The following STAU1 variants were observed in gnomAD, a reference collection of about 807,000 sequenced individuals.
STAU1 encodes double-stranded RNA-binding protein Staufen homolog 1.
In STAU1, 13 loss-of-function variants were observed where a neutral mutation model predicts 62.9. The observed-to-expected ratio is 0.21, with a 90% CI of 0.13 to 0.33. The LOEUF (loss-of-function observed/expected upper bound fraction) is 0.33. Ranked by LOEUF, STAU1 falls within the 10% of genes least tolerant of loss-of-function variation. The probability of loss-of-function intolerance (pLI) is 1.00; values close to 1 mark genes in which losing one functional copy is unlikely to be tolerated. For synonymous variants in STAU1, 269 were observed against 265.1 expected, an observed-to-expected ratio of 1.01 and a Z score of -0.14; for missense variants, 571 against 712.1, an observed-to-expected ratio of 0.80 and a Z score of 2.25.
At chr20:49,198,049 A>G in the STAU1 span, among the ~76,000 whole-genome samples, 2 of 152,202 alleles carry the variant, frequency 1.3e-5, no homozygotes, top group African/African-American at 4.8e-5. Context: ...GCTTAGCAAT[A>G]AGAAAAACAA....
At chr20:49,126,622 G>A (rs2092632321) in intron 6 of STAU1, among the ~76,000 whole-genome samples, 4 of 48,248 alleles carry the variant, frequency 8.3e-5, no homozygotes, top group South Asian at 6.2e-4. Context: ...AAATCTAACC[G>A]ATATTAGCCA....
At chr20:49,196,673 A>G in the STAU1 span, among the ~76,000 whole-genome samples, 4 of 151,432 alleles carry the variant, frequency 2.6e-5, no homozygotes, top group African/African-American at 9.7e-5. Flanking sequence ...GGGGAGAATC[A>G]TGAATCGTTG....
intron 6 of STAU1, among the ~76,000 whole-genome samples, chr20:49,125,534 GA>G (rs527934630): frequency 0.14 from 11,004 of 76,386 alleles, 469 homozygotes; most frequent in African/African-American, 0.21. Context: ...TGTCTCAAAG[GA>G]AAAAAAAAAA....
the STAU1 span, among the ~76,000 whole-genome samples, chr20:49,216,016 A>AG: frequency 6.8e-6 from 1 of 148,066 alleles, no homozygotes; most frequent in Non-Finnish European, 1.5e-5. Context: ...TCAAAAAAAA[A>AG]AAAAAAAAAA....
In STAU1 at chr20:49,114,876, G is replaced by A. The variant is rs1318170777; in HGVS notation, c.*2C>T. 11 of 1,613,386 alleles carry A rather than the reference G, an allele frequency of 6.8e-6. No individual in the cohort carries two copies. The highest frequency in any genetic ancestry group is 9.3e-6 in the Non-Finnish European group (11 of 1,179,614). On this transcript the variant is annotated 3_prime_UTR_variant, in exon 14 of 14. Coordinates refer to ENST00000371856, the MANE Select transcript of STAU1 (RefSeq NM_017453.4). ...TTATAATGGTTCATGGCCAGAAAAG[G>A]TTCAGCACCTCCCACACCTTTAAGG...
intron 5 of STAU1, among the ~76,000 whole-genome samples, chr20:49,142,081 A>C (rs551531653): frequency 1.8e-5 from 2 of 111,572 alleles, no homozygotes; most frequent in Admixed American, 1.7e-4. Flanking sequence ...ACAACAACAA[A>C]TATTTATTTT....
chr20:49,195,988 TG>T, the STAU1 span, among the ~76,000 whole-genome samples: 3 of 143,788 alleles, frequency 2.1e-5, no homozygotes, highest in Admixed American at 1.4e-4. Flanking sequence ...CCTGTAATCC[TG>T]GCACTTTGGG....
chr20:49,132,487 G>C (rs552926065), intron 6 of STAU1, among the ~76,000 whole-genome samples: 8 of 152,156 alleles, frequency 5.3e-5, no homozygotes, highest in African/African-American at 1.9e-4. Flanking sequence ...GGCTGGGCAC[G>C]GTGGCTCATG....
intron 1 of STAU1, among the ~76,000 whole-genome samples, chr20:49,183,637 G>GC: frequency 6.6e-6 from 1 of 152,204 alleles, no homozygotes; most frequent in African/African-American, 2.4e-5. Context: ...ACTGGATGAA[G>GC]CAGTATCCAT....
chr20:49,125,174 C>A (rs1488448996), intron 6 of STAU1, among the ~76,000 whole-genome samples: 2 of 75,054 alleles, frequency 2.7e-5, no homozygotes, highest in African/African-American at 1.0e-4. Context: ...TATAAACAGA[C>A]ACACATTTAT....
chr20:49,216,482 C>T, the STAU1 span, among the ~76,000 whole-genome samples: 1 of 151,760 alleles, frequency 6.6e-6, no homozygotes, highest in Non-Finnish European at 1.5e-5. Flanking sequence ...GAGCCGAGAT[C>T]ATGCCACTGC....
chr20:49,117,184 G>C lies in STAU1; in HGVS notation c.1574C>G (p.Ser525Cys). The stretch of plus-strand genomic sequence containing the variant: ...ACCATGGCTGATCAGAGGTGGCTGA[G>C]AGGAGCAATTGATAAGAGATACAAA... Reference protein sequence around the residue: ...NEFVSLINCSSQPPLISHGIG... With the variant: ...NEFVSLINCSCQPPLISHGIG... The change falls in exon 12 of 14, where the codon TCT (serine) becomes TGT (cysteine). Residue 525 changes from serine (S) to cysteine (C), a missense_variant. Physicochemically the swap from Ser to Cys is moderately radical, Grantham distance 112. Around this residue, in one of 3 missense-constraint regions of STAU1, gnomAD observed 156 missense variants for 194.7 expected, o/e 0.80. Coordinates refer to ENST00000371856, the MANE Select transcript of STAU1 (RefSeq NM_017453.4). This position sits in a 1 kb window ranked among gnomAD's most constrained non-coding sequence, Gnocchi z 4.6. 2 of 1,614,184 alleles carry C rather than the reference G, an allele frequency of 1.2e-6. No individual in the cohort carries two copies. Among genetic ancestry groups the C allele is most frequent in the African/African-American group, 2.7e-5 (2 of 75,032 alleles).
intron 13 of STAU1, among the ~76,000 whole-genome samples, chr20:49,115,178 G>C (rs1341774251): frequency 6.6e-6 from 1 of 151,916 alleles, no homozygotes. Flanking sequence ...GTAAAAATGT[G>C]ATCTATGGGG....
chr20:49,214,345 C>T, the STAU1 span, among the ~76,000 whole-genome samples: 3 of 152,078 alleles, frequency 2.0e-5, no homozygotes, highest in Non-Finnish European at 4.4e-5. Flanking sequence ...AGGTGAAAAC[C>T]CGTCACTACT....
At chr20:49,190,975 G>A (rs2093830477), upstream of STAU1, among the ~76,000 whole-genome samples, 1 of 144,458 alleles carries the variant, frequency 6.9e-6, no homozygotes, top group African/African-American at 2.6e-5. Context: ...GTGTGATCTC[G>A]GCTCTCTGAT....
intron 3 of STAU1, among the ~76,000 whole-genome samples, chr20:49,159,323 A>C (rs1456189456): frequency 1.3e-5 from 2 of 152,210 alleles, no homozygotes; most frequent in Non-Finnish European, 2.9e-5. Flanking sequence ...AAATAATCTA[A>C]ATCACCCAAG....
intron 1 of STAU1, among the ~76,000 whole-genome samples, chr20:49,178,103 G>T (rs776152961): frequency 1.3e-5 from 2 of 152,086 alleles, no homozygotes; most frequent in African/African-American, 2.4e-5. Context: ...CTTGAGACCA[G>T]AAGATTGAGG....
At chr20:49,179,585 T>C (rs2093699987) in intron 1 of STAU1, among the ~76,000 whole-genome samples, 2 of 152,222 alleles carry the variant, frequency 1.3e-5, no homozygotes, top group Admixed American at 1.3e-4. Context: ...AATTGTTCTT[T>C]CTGACAGAGG....
chr20:49,146,198 G>C (rs112694188), intron 5 of STAU1, among the ~76,000 whole-genome samples: 1,800 of 152,176 alleles, frequency 0.012, 42 homozygotes, highest in African/African-American at 0.04. Flanking sequence ...TCCAGGAGGC[G>C]GAGGTTGCAG....
Sources: allele counts gnomAD v4.1 joint callset (sites outside exome capture counted in the v4.1 genomes callset), GRCh38; gene constraint gnomAD v4.1.1; regional missense constraint gnomAD v4.1.1; non-coding constraint Gnocchi (gnomAD v3.1); transcripts MANE v1.5; gene names NCBI Gene and HGNC (gene_info 2026-07-23, HGNC 2026-07-21).